PLXNC1: variants seen among roughly 807,000 people sequenced by gnomAD.
The protein encoded by PLXNC1 is plexin-C1.
In PLXNC1, 75 loss-of-function variants were observed where a neutral mutation model predicts 178.2. The observed-to-expected ratio is 0.42, with a 90% confidence interval of 0.35 to 0.51. The LOEUF (loss-of-function observed/expected upper bound fraction) is 0.51, where lower values mean the gene tolerates loss of function less well. PLXNC1 is among the 20% of genes least tolerant of loss of function. The pLI, the probability that PLXNC1 is intolerant of heterozygous loss-of-function variation, is 0.02. For synonymous variants in PLXNC1, 790 were observed against 779.9 expected, an observed-to-expected ratio of 1.01 and a Z score of -0.22; for missense variants, 1,503 against 1,984.4, an observed-to-expected ratio of 0.76 and a Z score of 4.61.
intron 9 of PLXNC1, among the ~76,000 whole-genome samples, chr12:94,228,555 T>C (rs1034167451): frequency 6.6e-6 from 1 of 152,188 alleles, no homozygotes; most frequent in African/African-American, 2.4e-5. Context: ...GCTCGTTAAA[T>C]AATAACTCTT....
chr12:94,262,449 T>A, intron 20 of PLXNC1: 1 of 974,536 alleles, frequency 1.0e-6, no homozygotes, highest in Non-Finnish European at 1.2e-6. Context: ...ATTAGAGGGG[T>A]GAGATGTTCA....
rs979451613 is a variant in PLXNC1 at position 94,305,874 on chromosome 12, T to C, written c.*589T>C. On this transcript the variant is annotated 3_prime_UTR_variant, in exon 31 of 31. Transcript: ENST00000258526. ...ACCAAAAACTAACAGTGTTGCAACA[T>C]TGTTGAAAGGGCTCGTGTTTTTCAG... The C allele has an allele frequency of 3.3e-5, 5 of 152,172 alleles. No homozygotes were observed. Among genetic ancestry groups the C allele is most frequent in the Admixed American group, 6.5e-5 (1 of 15,272 alleles). The allele number at this position is 152,172 out of a possible 1,614,324, so 9.4% of individuals were successfully genotyped here.
At chr12:94,189,756 A>G (rs1013259180) in intron 4 of PLXNC1, among the ~76,000 whole-genome samples, 2 of 152,128 alleles carry the variant, frequency 1.3e-5, no homozygotes, top group Non-Finnish European at 2.9e-5. Flanking sequence ...TATTGAGGTC[A>G]TGGAGGGATG....
At position 94,168,612 on chromosome 12, in the gene PLXNC1, T is replaced by A. The variant is rs979619926; in HGVS notation, c.1063-541T>A. ...CATCGTCCACAACTGTATCTTTACCTTTTCACCCCCTCAACTAGCTACCCT... is the reference window on the plus strand; with the variant it reads ...CATCGTCCACAACTGTATCTTTACCATTTCACCCCCTCAACTAGCTACCCT... On this transcript the variant is annotated intron_variant, in intron 1 of 30. Coordinates refer to ENST00000258526, the MANE Select transcript of PLXNC1 (RefSeq NM_005761.3). Among the ~76,000 whole-genome samples the A allele has an allele frequency of 5.3e-5, 8 of 152,204 alleles. No individual in the cohort carries two copies. The South Asian group carries it at 1.0e-3, about 20-fold the overall frequency.
intron 21 of PLXNC1, among the ~76,000 whole-genome samples, chr12:94,267,899 T>C (rs1380541541): frequency 3.3e-5 from 5 of 152,092 alleles, no homozygotes; most frequent in Non-Finnish European, 7.4e-5. Context: ...CACCCAGCCA[T>C]TTTAGGACTT....
chr12:94,194,408 C>T (rs1472960432), intron 4 of PLXNC1, among the ~76,000 whole-genome samples: 1 of 152,182 alleles, frequency 6.6e-6, no homozygotes, highest in African/African-American at 2.4e-5. Flanking sequence ...AGTTTCTTAT[C>T]TCTGCCACTT....
At chr12:94,191,490 A>C (rs1275898299) in intron 4 of PLXNC1, among the ~76,000 whole-genome samples, 1 of 152,320 alleles carries the variant, frequency 6.6e-6, no homozygotes, top group East Asian at 1.9e-4. Context: ...AGATGTTAAG[A>C]ATAGGCATCC....
chr12:94,262,307 T>G (rs1270741009), intron 20 of PLXNC1, among the ~76,000 whole-genome samples: 1 of 152,238 alleles, frequency 6.6e-6, no homozygotes, highest in Non-Finnish European at 1.5e-5. Flanking sequence ...GCATGGCTTT[T>G]TCCATCTGGG....
chr12:94,182,031 A>G (rs1962328173), intron 3 of PLXNC1, among the ~76,000 whole-genome samples: 1 of 152,016 alleles, frequency 6.6e-6, no homozygotes, highest in African/African-American at 2.4e-5. Context: ...CTCTTCATTT[A>G]TCTTGCTGTT....
At chr12:94,243,610 C>T (rs574982137) in intron 11 of PLXNC1, among the ~76,000 whole-genome samples, 3 of 152,170 alleles carry the variant, frequency 2.0e-5, no homozygotes, top group Admixed American at 6.5e-5. Flanking sequence ...GAAACCTTTT[C>T]AAGGTACAGC....
At chr12:94,165,838 C>T (rs963814363) in intron 1 of PLXNC1, among the ~76,000 whole-genome samples, 2 of 152,010 alleles carry the variant, frequency 1.3e-5, no homozygotes, top group Non-Finnish European at 2.9e-5. Context: ...AGAACGGTTG[C>T]CACGAGTCTA....
chr12:94,252,970 T>C (rs571056125), intron 15 of PLXNC1, among the ~76,000 whole-genome samples: 1 of 152,250 alleles, frequency 6.6e-6, no homozygotes, highest in East Asian at 1.9e-4. Flanking sequence ...CCCAGCACTT[T>C]GGGAGGCTGA....
At chr12:94,262,421 C>A in intron 20 of PLXNC1, 2 of 896,518 alleles carry the variant, frequency 2.2e-6, no homozygotes, top group Non-Finnish European at 2.7e-6. Flanking sequence ...TCTGAGCTTT[C>A]AAGGGCTGCT....
Position 94,279,583 on chromosome 12 carries a change from AT to A in PLXNC1, c.3713del (p.Phe1238SerfsTer5). ...CACCATTGGCCAAGCCAAAGAAAAG[AT>A]TTTCCAAGCATTCTTAAGCAAAAAT... is the stretch of plus-strand genomic sequence containing the variant. ...CDTIGQAKEK[I>X]FQAFLSKNGS... On this transcript the variant is annotated frameshift_variant, in exon 22 of 31. Coordinates refer to ENST00000258526, the MANE Select transcript of PLXNC1 (RefSeq NM_005761.3). LOFTEE classifies it high-confidence loss of function. 6.2e-7 allele frequency: 1 copy of A among 1,614,186 alleles called. No individual in the cohort carries two copies. Among genetic ancestry groups the A allele is most frequent in the Non-Finnish European group, 8.5e-7 (1 of 1,180,028 alleles).
intron 14 of PLXNC1, among the ~76,000 whole-genome samples, chr12:94,249,961 G>A (rs1190740800): frequency 2.3e-5 from 3 of 133,236 alleles, no homozygotes; most frequent in East Asian, 2.4e-4. Context: ...ACAGGAGCAG[G>A]TAGGGGGGCC....
At chr12:94,237,335 C>T (rs1187683346) in intron 9 of PLXNC1, among the ~76,000 whole-genome samples, 1 of 152,198 alleles carries the variant, frequency 6.6e-6, no homozygotes, top group Non-Finnish European at 1.5e-5. Context: ...ACATTGTGAG[C>T]CTCCAGAGGC....
At chr12:94,263,542 A>AG (rs150110573) in intron 20 of PLXNC1, among the ~76,000 whole-genome samples, 17,678 of 151,728 alleles carry the variant, frequency 0.12, 1,373 homozygotes, top group African/African-American at 0.22. Context: ...CCCCTATCCA[A>AG]GGGTTCTCAG....
chr12:94,155,770 T>C (rs2135921180), intron 1 of PLXNC1, among the ~76,000 whole-genome samples: 1 of 152,332 alleles, frequency 6.6e-6, no homozygotes, highest in Admixed American at 6.5e-5. Context: ...TCTATTGTGC[T>C]GTACGCCAGA....
intron 5 of PLXNC1, among the ~76,000 whole-genome samples, chr12:94,214,864 T>C (rs562461089): frequency 2.2e-4 from 34 of 152,240 alleles, no homozygotes; most frequent in African/African-American, 7.7e-4. Context: ...TTCTTTGTAA[T>C]AGTAGTTAGA....
Sources: gnomAD v4.1 joint callset for allele counts (sites outside exome capture counted in the v4.1 genomes callset) on GRCh38, gnomAD v4.1.1 for gene constraint, MANE v1.5 for transcripts, NCBI Gene and HGNC (gene_info 2026-07-23, HGNC 2026-07-21) for gene names.